The following AGMO variants were observed in gnomAD, a reference collection of about 807,000 sequenced individuals.
The protein encoded by AGMO is glyceryl-ether monooxygenase.
A neutral mutation model predicts 60.2 loss-of-function variants in AGMO; 75 were observed. The observed-to-expected ratio is 1.25, with a 90% CI of 1.03 to 1.51. AGMO has a LOEUF of 1.51. AGMO is among the 40% of genes most tolerant of loss of function. The probability of loss-of-function intolerance (pLI) is 0.00; values close to 1 mark genes in which losing one functional copy is unlikely to be tolerated. For missense variants in AGMO, 763 were observed against 525.5 expected (o/e 1.45, Z -4.42); for synonymous variants, 261 against 177.1 (o/e 1.47, Z -3.76).
intron 12 of AGMO, among the ~76,000 whole-genome samples, chr7:15,235,930 G>C (rs576340601): frequency 3.4e-4 from 51 of 152,172 alleles, no homozygotes; most frequent in African/African-American, 1.2e-3. Context: ...CCCACCAAGC[G>C]TGGCTTATTC....
chr7:15,220,136 A>T (rs1349921561), intron 12 of AGMO, among the ~76,000 whole-genome samples: 2 of 142,274 alleles, frequency 1.4e-5, no homozygotes, highest in South Asian at 2.2e-4. Context: ...TTTTTGCCTT[A>T]TTTCTTTTAT....
chr7:15,365,748 C>T (rs1327028162), intron 11 of AGMO, 129 bp from the exon 12 acceptor site: 3 of 669,028 alleles, frequency 4.5e-6, no homozygotes, highest in Non-Finnish European at 7.4e-6. Context: ...AAAGCATGTC[C>T]CCTGAAGCAA....
At chr7:15,287,373 C>T (rs1173529318) in intron 12 of AGMO, among the ~76,000 whole-genome samples, 1 of 152,080 alleles carries the variant, frequency 6.6e-6, no homozygotes, top group African/African-American at 2.4e-5. Flanking sequence ...ATTTTCTTTG[C>T]CACCGATATG....
intron 12 of AGMO, among the ~76,000 whole-genome samples, chr7:15,317,315 C>A (rs1036278238): frequency 6.6e-6 from 1 of 152,084 alleles, no homozygotes; most frequent in Admixed American, 6.6e-5. Flanking sequence ...GAAAAGTAGT[C>A]AAGTAAAAGC....
intron 3 of AGMO, among the ~76,000 whole-genome samples, chr7:15,526,033 G>A (rs1447963980): frequency 2.0e-5 from 3 of 152,124 alleles, no homozygotes; most frequent in East Asian, 1.9e-4. Context: ...GCCGCAGCTC[G>A]CACTAGCTCA....
chr7:15,490,919 G>A (rs940369919), intron 3 of AGMO, among the ~76,000 whole-genome samples: 1 of 152,116 alleles, frequency 6.6e-6, no homozygotes, highest in African/African-American at 2.4e-5. Context: ...AATCTAACTT[G>A]ATGAAACCAG....
the AGMO span, among the ~76,000 whole-genome samples, chr7:15,192,975 T>A: frequency 2.0e-5 from 3 of 152,242 alleles, no homozygotes; most frequent in Non-Finnish European, 4.4e-5. Context: ...TAATATATAC[T>A]CTAATCAGTT....
chr7:15,466,386 T>C (rs1782289934), intron 3 of AGMO, among the ~76,000 whole-genome samples: 1 of 152,166 alleles, frequency 6.6e-6, no homozygotes, highest in African/African-American at 2.4e-5. Flanking sequence ...CAAGCATTAA[T>C]TTAATGATAT....
intron 4 of AGMO, among the ~76,000 whole-genome samples, chr7:15,426,506 T>TG (rs1236783203): frequency 1.3e-5 from 2 of 151,998 alleles, no homozygotes; most frequent in African/African-American, 4.8e-5. Flanking sequence ...CCCACCACTT[T>TG]GGGGGGCTGA....
At chr7:15,334,468 C>T (rs1415845749) in intron 12 of AGMO, among the ~76,000 whole-genome samples, 2 of 152,170 alleles carry the variant, frequency 1.3e-5, no homozygotes, top group East Asian at 3.9e-4. Context: ...GATTAGAAAA[C>T]AGCAATCTGT....
intron 4 of AGMO, among the ~76,000 whole-genome samples, chr7:15,426,286 T>C (rs1443140179): frequency 6.6e-6 from 1 of 152,192 alleles, no homozygotes; most frequent in Non-Finnish European, 1.5e-5. Flanking sequence ...TATTAACCAC[T>C]AATTCTGTAG....
Position 15,365,492 on chromosome 7 carries a change from GCTAC to G in AGMO, c.1263+18_1263+21del, listed in dbSNP as rs777572683. 47 of 1,542,760 alleles carry G rather than the reference GCTAC, an allele frequency of 3.0e-5. No homozygotes were observed. In the Admixed American group the frequency reaches 6.9e-4, roughly 23 times the overall value. ...TGCGATAGGTATACGCCATCCTGTG[GCTAC>G]CTAAACAAATGTCTTACCTCAAAAG... On this transcript the variant is annotated intron_variant, in intron 12 of 12. Coordinates refer to ENST00000342526, the MANE Select transcript of AGMO (RefSeq NM_001004320.2).
chr7:15,234,232 T>C (rs1055087941), intron 12 of AGMO, among the ~76,000 whole-genome samples: 10 of 152,166 alleles, frequency 6.6e-5, no homozygotes, highest in African/African-American at 2.4e-4. Flanking sequence ...ATCTTCCAAA[T>C]TGAGGTTCAT....
intron 12 of AGMO, among the ~76,000 whole-genome samples, chr7:15,339,253 T>C (rs146384235): frequency 2.6e-5 from 4 of 152,154 alleles, no homozygotes; most frequent in African/African-American, 9.7e-5. Flanking sequence ...AGGGCCAGAA[T>C]TCACCACACA....
At chr7:15,350,317 AAATAT>A (rs1422640245) in intron 12 of AGMO, among the ~76,000 whole-genome samples, 1 of 152,196 alleles carries the variant, frequency 6.6e-6, no homozygotes, top group African/African-American at 2.4e-5. Flanking sequence ...AATATTCAGC[AAATAT>A]AAAATCAGTT....
the AGMO span, among the ~76,000 whole-genome samples, chr7:15,166,599 A>G: frequency 6.6e-6 from 1 of 152,164 alleles, no homozygotes; most frequent in Non-Finnish European, 1.5e-5. Flanking sequence ...TCCAGGTGCT[A>G]TATTAAGAAG....
At chr7:15,370,608 T>C (rs988725935) in intron 10 of AGMO, among the ~76,000 whole-genome samples, 1 of 152,168 alleles carries the variant, frequency 6.6e-6, no homozygotes, top group Non-Finnish European at 1.5e-5. Context: ...CAGTATCTCA[T>C]TGTGGTTTTG....
At chr7:15,447,716 A>G (rs531528316) in intron 3 of AGMO, among the ~76,000 whole-genome samples, 1 of 150,442 alleles carries the variant, frequency 6.6e-6, no homozygotes, top group African/African-American at 2.4e-5. Flanking sequence ...ACACCTGGCT[A>G]AATTTTTTTT....
chr7:15,212,992 G>T (rs1781638599), intron 12 of AGMO, among the ~76,000 whole-genome samples: 1 of 151,914 alleles, frequency 6.6e-6, no homozygotes, highest in Non-Finnish European at 1.5e-5. Flanking sequence ...CATTAGATCA[G>T]CATTTACAGC....
Sources: gnomAD v4.1 joint callset for allele counts (sites outside exome capture counted in the v4.1 genomes callset) on GRCh38, gnomAD v4.1.1 for gene constraint, MANE v1.5 for transcripts, NCBI Gene and HGNC (gene_info 2026-07-23, HGNC 2026-07-21) for gene names.